MBD5: variants seen among roughly 807,000 people sequenced by gnomAD.
The protein encoded by MBD5 is methyl-CpG-binding domain protein 5.
In MBD5, 13 loss-of-function variants were observed where a neutral mutation model predicts 117.3. The ratio of observed to expected loss-of-function variants is 0.11; its 90% confidence interval spans 0.07 to 0.18. The LOEUF (loss-of-function observed/expected upper bound fraction) is 0.18, where lower values mean the gene tolerates loss of function less well. MBD5 is among the 10% of genes least tolerant of loss of function. The pLI is 1.00. For missense variants in MBD5, 1,879 were observed against 2,093.8 expected, an observed-to-expected ratio of 0.90 and a Z score of 2.00; for synonymous variants, 727 against 766.4, an observed-to-expected ratio of 0.95 and a Z score of 0.85.
intron 3 of MBD5, chr2:148,330,549 T>A (rs1388470242): frequency 6.6e-6 from 1 of 152,192 alleles, no homozygotes; most frequent in Non-Finnish European, 1.5e-5. Flanking sequence ...CAAATCCTGC[T>A]ATAGATTTCT....
intron 3 of MBD5, among the ~76,000 whole-genome samples, chr2:148,294,502 T>TTTTTTTTTGTTTGTTTTTTTTTTTTTG (rs1701592846): frequency 7.4e-5 from 1 of 13,544 alleles, no homozygotes; most frequent in Admixed American, 7.2e-4. Context: ...GGGATTACAG[T>TTTTTTTTTGTTTGTTTTTTTTTTTTTG]TTTTTTTTTT....
At position 148,046,477 on chromosome 2, in the gene MBD5, A is replaced by G. The variant is rs192846068; in HGVS notation, c.-925+24793A>G. ...TGAGTATTTATGTAATTACTCATTA[A>G]CATCTCCCACAAACCTCTTTTGCTT... On this transcript the variant is annotated intron_variant, in intron 1 of 13. Coordinates refer to ENST00000642680, the MANE Select transcript of MBD5 (RefSeq NM_001378120.1). Among the ~76,000 whole-genome samples, 4 of 152,282 alleles carry G rather than the reference A, an allele frequency of 2.6e-5. No individual in the cohort carries two copies. The East Asian group carries it at 7.7e-4, about 29-fold the overall frequency.
intron 3 of MBD5, among the ~76,000 whole-genome samples, chr2:148,323,214 A>G (rs1702338425): frequency 6.6e-6 from 1 of 152,048 alleles, no homozygotes; most frequent in African/African-American, 2.4e-5. Context: ...CATGGTGTAT[A>G]TGTGCCACAT....
At chr2:148,509,995 G>T in intron 12 of MBD5, 65 bp from the exon 13 acceptor site, 1 of 1,288,762 alleles carries the variant, frequency 7.8e-7, no homozygotes, top group Non-Finnish European at 1.1e-6. Flanking sequence ...TTTCTGATTA[G>T]GAAATTAAAT....
chr2:148,294,506 T>TTTTTTTTTTGTTTTTTTTTTTTTGTTTTG (rs1701595374), intron 3 of MBD5, among the ~76,000 whole-genome samples: 2 of 130,638 alleles, frequency 1.5e-5, no homozygotes, highest in Non-Finnish European at 1.6e-5. Context: ...TTACAGTTTT[T>TTTTTTTTTTGTTTTTTTTTTTTTGTTTTG]TTTTTTTTTT....
intron 3 of MBD5, among the ~76,000 whole-genome samples, chr2:148,242,693 C>T (rs1700241856): frequency 6.6e-6 from 1 of 152,072 alleles, no homozygotes; most frequent in African/African-American, 2.4e-5. Flanking sequence ...TATTAAAAAA[C>T]TACCACTATA....
At chr2:148,269,007 G>C (rs186793241) in intron 3 of MBD5, among the ~76,000 whole-genome samples, 2 of 151,912 alleles carry the variant, frequency 1.3e-5, no homozygotes, top group East Asian at 3.9e-4. Context: ...TTGGTTTTCA[G>C]GTTTTATTTT....
At chr2:148,294,693 A>G (rs891090516) in intron 3 of MBD5, among the ~76,000 whole-genome samples, 8 of 151,718 alleles carry the variant, frequency 5.3e-5, no homozygotes, top group African/African-American at 1.5e-4. Context: ...TTTAGTAGAG[A>G]CAGGCTTTCA....
chr2:148,213,446 GGGAATA>G (rs1699478529), intron 2 of MBD5, among the ~76,000 whole-genome samples: 1 of 152,096 alleles, frequency 6.6e-6, no homozygotes, highest in African/African-American at 2.4e-5. Context: ...GCAGGGAGCA[GGGAATA>G]GGAGGACTTA....
intron 2 of MBD5, chr2:148,196,322 G>T (rs1017263688): frequency 6.6e-6 from 1 of 151,806 alleles, no homozygotes; most frequent in Admixed American, 6.6e-5. Flanking sequence ...TTATATTGCC[G>T]TAATCTGTTA....
At chr2:148,063,914 A>C (rs1695107636) in intron 1 of MBD5, among the ~76,000 whole-genome samples, 1 of 151,986 alleles carries the variant, frequency 6.6e-6, no homozygotes, top group Admixed American at 6.5e-5. Flanking sequence ...TTGAGTCCAT[A>C]AGTGCCAACA....
At chr2:148,129,299 C>A (rs946538156) in intron 1 of MBD5, among the ~76,000 whole-genome samples, 1 of 151,888 alleles carries the variant, frequency 6.6e-6, no homozygotes, top group African/African-American at 2.4e-5. Context: ...TTTGAGACTA[C>A]CGTGGCCAAC....
At chr2:148,240,759 A>G (rs1700200591) in intron 3 of MBD5, among the ~76,000 whole-genome samples, 1 of 152,168 alleles carries the variant, frequency 6.6e-6, no homozygotes, top group Admixed American at 6.6e-5. Context: ...CTTCAGGTTC[A>G]CTGGCTGGTT....
intron 4 of MBD5, chr2:148,346,176 A>G (rs2105194242): frequency 6.6e-6 from 1 of 151,420 alleles, no homozygotes; most frequent in South Asian, 2.1e-4. Flanking sequence ...TCTGAAAAAT[A>G]AACTCTATTT....
chr2:148,430,675 A>G (rs1705957614), intron 4 of MBD5, among the ~76,000 whole-genome samples: 1 of 152,114 alleles, frequency 6.6e-6, no homozygotes, highest in African/African-American at 2.4e-5. Flanking sequence ...GAGATTTTAT[A>G]TCTAATAGAT....
chr2:148,073,515 G>T (rs1227794188), intron 1 of MBD5, among the ~76,000 whole-genome samples: 1 of 152,130 alleles, frequency 6.6e-6, no homozygotes. Flanking sequence ...ATGTCTATCA[G>T]TAGGGGATTA....
chr2:148,268,492 A>G (rs1488382218), intron 3 of MBD5, among the ~76,000 whole-genome samples: 1 of 151,686 alleles, frequency 6.6e-6, no homozygotes, highest in Non-Finnish European at 1.5e-5. Flanking sequence ...TCTGAACTTT[A>G]TTAATTTAGT....
chr2:148,496,425 T>C (rs1017467123), intron 11 of MBD5, among the ~76,000 whole-genome samples: 4 of 152,108 alleles, frequency 2.6e-5, no homozygotes, highest in Non-Finnish European at 5.9e-5. Context: ...AACTGTGAAA[T>C]ATTGTGAACT....
intron 2 of MBD5, among the ~76,000 whole-genome samples, chr2:148,199,297 C>T (rs932758573): frequency 4.6e-5 from 7 of 152,032 alleles, no homozygotes; most frequent in Non-Finnish European, 1.0e-4. Context: ...ACTGAATAAC[C>T]GGGTACTCTA....
Sources: gnomAD v4.1 joint callset for allele counts (sites outside exome capture counted in the v4.1 genomes callset) on GRCh38, gnomAD v4.1.1 for gene constraint, MANE v1.5 for transcripts, NCBI Gene and HGNC (gene_info 2026-07-23, HGNC 2026-07-21) for gene names.